The following CLINT1 variants were observed in gnomAD, a reference collection of about 807,000 sequenced individuals.
CLINT1 encodes clathrin interacting protein localized in the trans-Golgi region.
Under a neutral mutation model 70.4 loss-of-function variants are expected in CLINT1, and 15 were observed. That is an observed-to-expected ratio of 0.21 (90% CI 0.14 to 0.33). CLINT1 has a LOEUF of 0.33. Among genes scored for constraint, CLINT1 ranks in the 10% least tolerant of loss-of-function variants. The pLI is 1.00. For synonymous variants in CLINT1, 227 were observed against 254.7 expected (o/e 0.89, Z 1.04); for missense variants, 615 against 778.1 (o/e 0.79, Z 2.49).
At chr5:157,802,037 G>A (rs527716846) in intron 8 of CLINT1, among the ~76,000 whole-genome samples, 2 of 152,076 alleles carry the variant, frequency 1.3e-5, no homozygotes, top group East Asian at 3.9e-4. Context: ...GGGGATTAAA[G>A]GTGCCCATCA....
Position 157,837,418 on chromosome 5 carries a change from ACAC to A in CLINT1, c.42-19874_42-19872del, listed in dbSNP as rs762554137. Among the ~76,000 whole-genome samples, 21 of 149,166 alleles carry A rather than the reference ACAC, an allele frequency of 1.4e-4. No individual in the cohort carries two copies. The East Asian group carries it at 2.7e-3, about 19-fold the overall frequency. ...GGATGGAATATATGTAAATACACAC[ACAC>A]ACACACACACACACACACATACTGT... is the stretch of plus-strand genomic sequence containing the variant. On this transcript the variant is annotated intron_variant, in intron 1 of 11. Transcript: ENST00000411809.
At chr5:157,825,580 T>C in intron 1 of CLINT1, among the ~76,000 whole-genome samples, 1 of 152,142 alleles carries the variant, frequency 6.6e-6, no homozygotes, top group Non-Finnish European at 1.5e-5. Flanking sequence ...CATGGCAAAC[T>C]GCCTAAGTCC....
At chr5:157,837,137 G>C (rs1401340200) in intron 1 of CLINT1, among the ~76,000 whole-genome samples, 1 of 152,148 alleles carries the variant, frequency 6.6e-6, no homozygotes, top group Non-Finnish European at 1.5e-5. Flanking sequence ...AGAATATACT[G>C]GAAGCTGTAA....
At chr5:157,809,890 C>T in intron 5 of CLINT1, 85 bp from the exon 6 acceptor site, 1 of 1,310,046 alleles carries the variant, frequency 7.6e-7, no homozygotes. Flanking sequence ...CAGGCTTTTC[C>T]TCATAATAAA....
intron 1 of CLINT1, among the ~76,000 whole-genome samples, chr5:157,835,891 A>G (rs1685953672): frequency 6.6e-6 from 1 of 152,244 alleles, no homozygotes; most frequent in African/African-American, 2.4e-5. Context: ...AATGAAATCT[A>G]AAGTTAAAAA....
intron 3 of CLINT1, among the ~76,000 whole-genome samples, chr5:157,815,519 T>A (rs972733950): frequency 6.6e-6 from 1 of 152,128 alleles, no homozygotes; most frequent in African/African-American, 2.4e-5. Flanking sequence ...TGATCAGGTA[T>A]ATGAAAATCT....
At chr5:157,846,182 T>G (rs1288282779) in intron 1 of CLINT1, among the ~76,000 whole-genome samples, 1 of 152,164 alleles carries the variant, frequency 6.6e-6, no homozygotes, top group African/African-American at 2.4e-5. Flanking sequence ...TGATTAAGCT[T>G]AGGAAGGTAT....
rs3777057 is a variant in CLINT1 at position 157,810,253 on chromosome 5, A to G, written c.518-448T>C. On this transcript the variant is annotated intron_variant, in intron 5 of 11. Transcript: ENST00000411809. ...TAGCAACAGTATCTTAAAAAATACAACTGAAGGAACTCCAATCTGAATGCT... is the reference window on the plus strand; with the variant it reads ...TAGCAACAGTATCTTAAAAAATACAGCTGAAGGAACTCCAATCTGAATGCT... Among the ~76,000 whole-genome samples the G allele has an allele frequency of 8.8e-3, 1,337 of 152,342 alleles. 26 individuals carry two copies. The highest frequency in any genetic ancestry group is 0.058 in the East Asian group (301 of 5,186).
chr5:157,789,275 T>G, intron 11 of CLINT1, 88 bp downstream of exon 11: 2 of 1,112,516 alleles, frequency 1.8e-6, no homozygotes, highest in Admixed American at 1.8e-5. Context: ...TTATGTGATA[T>G]ATTTTTATTT....
intron 1 of CLINT1, among the ~76,000 whole-genome samples, chr5:157,828,813 G>A (rs1288010645): frequency 1.3e-5 from 2 of 151,508 alleles, no homozygotes; most frequent in Non-Finnish European, 2.9e-5. Context: ...AAAGGGCCGG[G>A]CACGGTGGCT....
intron 1 of CLINT1, among the ~76,000 whole-genome samples, chr5:157,849,881 T>C (rs1753511113): frequency 6.6e-6 from 1 of 152,230 alleles, no homozygotes; most frequent in Non-Finnish European, 1.5e-5. Flanking sequence ...GCGCCTACTA[T>C]GTGTCATAAT....
Position 157,834,674 on chromosome 5 carries a change from C to T in CLINT1, c.42-17127G>A, listed in dbSNP as rs148334616. Reference sequence around the variant, plus strand: ...TTATCTCAGTGACTCTATGTGCTTCCAGAATCCCCACCTCTTTTCAAACCT... The same window carrying T: ...TTATCTCAGTGACTCTATGTGCTTCTAGAATCCCCACCTCTTTTCAAACCT... On this transcript the variant is annotated intron_variant, in intron 1 of 11. Transcript: ENST00000411809. 8.0e-4 allele frequency among the ~76,000 whole-genome samples: 121 copies of T among 152,196 alleles called. 2 individuals carry two copies. In the East Asian group the frequency reaches 0.016, roughly 20 times the overall value.
rs1221177257 is a variant in CLINT1 at position 157,791,729 on chromosome 5, G to T, written c.1354C>A (p.Leu452Ile). Residue 452 changes from leucine to isoleucine, a missense_variant, in exon 10 of 12, where the codon CTT (leucine) becomes ATT (isoleucine). Leu to Ile is a conservative substitution (Grantham distance 5, BLOSUM62 2). Coordinates refer to ENST00000411809, the MANE Select transcript of CLINT1 (RefSeq NM_014666.4). ...TGTGATCTTGACATAGGCAAACCAA[G>T]TCCCACAGTGTTAGTGCTCATCATA... ...FSMMSTNTVG[L>I]GLPMSRSQNT... 3.1e-6 allele frequency: 5 copies of T among 1,613,536 alleles called. No individual in the cohort carries two copies. The highest frequency in any genetic ancestry group is 4.2e-6 in the Non-Finnish European group (5 of 1,179,680).
intron 11 of CLINT1, among the ~76,000 whole-genome samples, chr5:157,789,158 C>A (rs1233221716): frequency 1.3e-5 from 2 of 151,892 alleles, no homozygotes; most frequent in Non-Finnish European, 2.9e-5. Flanking sequence ...TAAATGTTAT[C>A]AGGACAAGAA....
chr5:157,851,856 C>G (rs979375016), intron 1 of CLINT1, among the ~76,000 whole-genome samples: 1 of 152,094 alleles, frequency 6.6e-6, no homozygotes, highest in Non-Finnish European at 1.5e-5. Context: ...TAAATTGGCT[C>G]AAACATAGGA....
Position 157,789,503 on chromosome 5 carries a change from A to G in CLINT1, c.1391T>C (p.Met464Thr), listed in dbSNP as rs373698096. The change falls in exon 11 of 12, where the codon ATG becomes ACG. Residue 464 changes from methionine to threonine, a missense_variant. Coordinates refer to ENST00000411809, the MANE Select transcript of CLINT1 (RefSeq NM_014666.4). ...LPMSRSQNTD[M>T]VQKSVSKTLP... ...GGTTTTGCTGACTGATTTCTGGACC[A>G]TATCTGTATTCTGATTATAGAGAGG... 181 of 1,613,998 alleles carry G rather than the reference A, an allele frequency of 1.1e-4. No individual in the cohort carries two copies. Among genetic ancestry groups the G allele is most frequent in the African/African-American group, 1.7e-4 (13 of 75,046 alleles).
At chr5:157,790,780 G>A (rs1270896752) in intron 10 of CLINT1, 11 of 315,734 alleles carry the variant, frequency 3.5e-5, no homozygotes, top group Non-Finnish European at 6.2e-5. Context: ...TTCTAAGCTA[G>A]TACTAGGTAA....
At chr5:157,831,021 A>G (rs1763225735) in intron 1 of CLINT1, among the ~76,000 whole-genome samples, 1 of 150,860 alleles carries the variant, frequency 6.6e-6, no homozygotes, top group Non-Finnish European at 1.5e-5. Flanking sequence ...TCCAGACTAG[A>G]TGACAGAACA....
At position 157,786,414 on chromosome 5, in the gene CLINT1, TTATAG is replaced by T. The variant is rs1257020823; in HGVS notation, c.*1227_*1231del. ...GGGAGGTAATAATTTGATATCTATATTATAGTATTTATTTTGAAAAATATTCCCAG... is the reference window on the plus strand; with the variant it reads ...GGGAGGTAATAATTTGATATCTATATTATTTATTTTGAAAAATATTCCCAG... On this transcript the variant is annotated 3_prime_UTR_variant, in exon 12 of 12. Transcript: ENST00000411809. 1.3e-5 allele frequency: 2 copies of T among 152,518 alleles called. No homozygotes were observed. Among genetic ancestry groups the T allele is most frequent in the African/African-American group, 4.8e-5 (2 of 41,444 alleles). 9.4% of individuals were successfully genotyped at this position (152,518 alleles called of 1,614,324 possible).
Sources: allele counts gnomAD v4.1 joint callset (sites outside exome capture counted in the v4.1 genomes callset), GRCh38; gene constraint gnomAD v4.1.1; transcripts MANE v1.5; gene names NCBI Gene and HGNC (gene_info 2026-07-23, HGNC 2026-07-21).